MYLK: variants seen among roughly 807,000 people sequenced by gnomAD.
MYLK encodes myosin light chain kinase, also known as myosin light chain kinase, smooth muscle.
Under a neutral mutation model 203.4 loss-of-function variants are expected in MYLK, and 106 were observed. The observed-to-expected ratio is 0.52, with a 90% CI of 0.45 to 0.61. The LOEUF is 0.61. MYLK is among the 20% of genes least tolerant of loss of function. The probability of loss-of-function intolerance (pLI) is 0.00; values close to 1 mark genes in which losing one functional copy is unlikely to be tolerated. For missense variants in MYLK, 2,072 were observed against 2,442.3 expected, an observed-to-expected ratio of 0.85 and a Z score of 3.20; for synonymous variants, 867 against 959.5, an observed-to-expected ratio of 0.90 and a Z score of 1.78.
Position 123,629,290 on chromosome 3 carries a change from C to T in MYLK, c.5114+184G>A, listed in dbSNP as rs926656514. Among the ~76,000 whole-genome samples, 4 of 152,096 alleles carry T rather than the reference C, an allele frequency of 2.6e-5. No homozygotes were observed. Among genetic ancestry groups the T allele is most frequent in the Non-Finnish European group, 5.9e-5 (4 of 68,002 alleles). On this transcript the variant is annotated intron_variant, in intron 30 of 33. Transcript: ENST00000360304. The surrounding 1 kb of genome is among the most constrained non-coding windows in gnomAD (Gnocchi z 4.4). ...CTCCAGGGGGCAGGGCCTAGGAAGT[C>T]GCCTCCCCAACCCACATGCATTCGG...
chr3:123,657,692 C>T (rs1200331922), intron 23 of MYLK, among the ~76,000 whole-genome samples: 2 of 152,198 alleles, frequency 1.3e-5, no homozygotes, highest in Non-Finnish European at 2.9e-5. Context: ...ATGCAAGTCA[C>T]GATTTCCTGT....
intron 4 of MYLK, among the ~76,000 whole-genome samples, chr3:123,774,228 A>C (rs1400310153): frequency 6.6e-6 from 1 of 152,202 alleles, no homozygotes; most frequent in East Asian, 1.9e-4. Context: ...CATAAACTGC[A>C]TACAAAACCT....
At chr3:123,686,557 C>G (rs1189473971) in intron 19 of MYLK, among the ~76,000 whole-genome samples, 8 of 152,136 alleles carry the variant, frequency 5.3e-5, no homozygotes, top group Admixed American at 5.2e-4. Flanking sequence ...GCCTCTCTCT[C>G]TGACTGAGTG....
intron 2 of MYLK, among the ~76,000 whole-genome samples, chr3:123,874,981 A>T (rs1240674749): frequency 6.6e-6 from 1 of 152,204 alleles, no homozygotes; most frequent in Non-Finnish European, 1.5e-5. Context: ...ATCTGACAAT[A>T]CCAAGTACTG....
chr3:123,794,103 T>TG (rs1379306602), intron 3 of MYLK, among the ~76,000 whole-genome samples: 1 of 152,216 alleles, frequency 6.6e-6, no homozygotes, highest in Non-Finnish European at 1.5e-5. Context: ...CAAAACCCTG[T>TG]GGGGAACTTT....
At chr3:123,704,899 G>A (rs764685574) in intron 16 of MYLK, among the ~76,000 whole-genome samples, 3 of 152,120 alleles carry the variant, frequency 2.0e-5, no homozygotes, top group South Asian at 2.1e-4. Flanking sequence ...CAGCCTGGGC[G>A]ACAGAGTGAG....
chr3:123,850,461 T>C (rs1296413303), intron 2 of MYLK, among the ~76,000 whole-genome samples: 1 of 152,244 alleles, frequency 6.6e-6, no homozygotes, highest in African/African-American at 2.4e-5. Flanking sequence ...TGGTATCTCA[T>C]TGCGGTTTTG....
At position 123,883,786 on chromosome 3, in the gene MYLK, G is replaced by A. The variant is rs182066942; in HGVS notation, c.-186+420C>T. On this transcript the variant is annotated intron_variant, in intron 1 of 33. Coordinates refer to ENST00000360304, the MANE Select transcript of MYLK (RefSeq NM_053025.4). Reference sequence around the variant, plus strand: ...GGATGGCCAGGTCTGGCACTCGCGGGCCGCCTTCCCCGCCCTACCTTCCCG... The same window carrying A: ...GGATGGCCAGGTCTGGCACTCGCGGACCGCCTTCCCCGCCCTACCTTCCCG... Among the ~76,000 whole-genome samples the A allele has an allele frequency of 6.4e-3, 974 of 152,222 alleles. 18 individuals are homozygous for A. The highest frequency in any genetic ancestry group is 0.022 in the African/African-American group (920 of 41,544).
At position 123,733,724 on chromosome 3, in the gene MYLK, C is replaced by T; in HGVS notation, c.1272G>A (p.Glu424=). 1 of 1,614,200 alleles carries T rather than the reference C, an allele frequency of 6.2e-7. No individual in the cohort carries two copies. Among genetic ancestry groups the T allele is most frequent in the Non-Finnish European group, 8.5e-7 (1 of 1,180,030 alleles). The change falls in exon 10 of 34, where the codon GAG becomes GAA. Residue 424 remains glutamate, a synonymous_variant. Coordinates refer to ENST00000360304, the MANE Select transcript of MYLK (RefSeq NM_053025.4). ...ACTTGACAGTTTGATTTTCCTTGAC[C>T]TCCTGGCTTTGGGGCTTGCTCTCAA... ...PKFESKPQSQ[E]VKENQTVKFR... is the part of the protein sequence containing the mutation.
intron 29 of MYLK, chr3:123,630,932 T>C (rs201750671): frequency 1.3e-5 from 2 of 151,836 alleles, no homozygotes; most frequent in Non-Finnish European, 2.9e-5. Flanking sequence ...GCCTCATGGG[T>C]GTTAGACCAG....
chr3:123,815,967 C>T (rs924213016), intron 3 of MYLK, among the ~76,000 whole-genome samples: 5 of 152,244 alleles, frequency 3.3e-5, no homozygotes, highest in African/African-American at 1.2e-4. Flanking sequence ...CTGCTCAGCC[C>T]AGCTCAGATT....
chr3:123,835,660 A>G (rs1313976626), intron 2 of MYLK, among the ~76,000 whole-genome samples: 1 of 152,198 alleles, frequency 6.6e-6, no homozygotes, highest in Admixed American at 6.5e-5. Context: ...CTCAGAAGCA[A>G]AAGTTTCTCT....
Position 123,793,689 on chromosome 3 carries a change from C to T in MYLK, c.153G>A (p.Lys51=). 1 of 1,614,192 alleles carries T rather than the reference C, an allele frequency of 6.2e-7. No individual in the cohort carries two copies. Among genetic ancestry groups the T allele is most frequent in the Non-Finnish European group, 8.5e-7 (1 of 1,180,016 alleles). ...NLCIKEGATA[K]FEGRVRGYPE... ...CCACACTTCTTACCCGCCCTTCGAA[C>T]TTGGCGGTGGCTCCTTCTTTGATGC... Residue 51 remains lysine (K), a synonymous_variant, in exon 4 of 34, where the codon AAG becomes AAA. Coordinates refer to ENST00000360304, the MANE Select transcript of MYLK (RefSeq NM_053025.4).
intron 2 of MYLK, among the ~76,000 whole-genome samples, chr3:123,864,876 C>G (rs973622141): frequency 2.6e-5 from 4 of 152,320 alleles, no homozygotes; most frequent in African/African-American, 9.6e-5. Context: ...GAGTGACAGA[C>G]TCCATCTCTA....
At position 123,884,329 on chromosome 3, in the gene MYLK, G is replaced by C. The variant is rs1459970063; in HGVS notation, c.-309C>G. ...TGCTGCCGACCGGGCGGCGCGGGGA[G>C]CCCGCGAGGCGCGTCCGGGACTGGG... On this transcript the variant is annotated 5_prime_UTR_variant, in exon 1 of 34. Transcript: ENST00000360304. 7.0e-6 allele frequency: 1 copy of C among 141,868 alleles called. No individual in the cohort carries two copies. Among genetic ancestry groups the C allele is most frequent in the Non-Finnish European group, 1.5e-5 (1 of 64,716 alleles). The allele number at this position is 141,868 out of a possible 1,614,324, so 8.8% of individuals were successfully genotyped here.
intron 24 of MYLK, among the ~76,000 whole-genome samples, chr3:123,650,421 ATG>A (rs964272899): frequency 6.6e-6 from 1 of 151,278 alleles, no homozygotes; most frequent in Non-Finnish European, 1.5e-5. Context: ...GTGTGTGTGT[ATG>A]TGTGTGTGTG....
intron 3 of MYLK, among the ~76,000 whole-genome samples, chr3:123,813,803 G>A (rs2065646011): frequency 6.6e-6 from 1 of 152,096 alleles, no homozygotes; most frequent in Admixed American, 6.5e-5. Flanking sequence ...GAGCCACCAT[G>A]CCCGGACAAT....
chr3:123,638,025 G>C (rs185419511), intron 29 of MYLK, 46 bp downstream of exon 29: 1 of 1,612,746 alleles, frequency 6.2e-7, no homozygotes, highest in African/African-American at 1.3e-5. Context: ...CCCACCCACT[G>C]GTCCACCAAG....
chr3:123,821,585 C>T (rs193221929), intron 3 of MYLK, among the ~76,000 whole-genome samples: 22 of 152,312 alleles, frequency 1.4e-4, no homozygotes, highest in African/African-American at 5.1e-4. Context: ...CCACCTTCAT[C>T]CCGCACCCAG....
Sources: allele counts gnomAD v4.1 joint callset (sites outside exome capture counted in the v4.1 genomes callset), GRCh38; gene constraint gnomAD v4.1.1; non-coding constraint Gnocchi (gnomAD v3.1); transcripts MANE v1.5; gene names NCBI Gene and HGNC (gene_info 2026-07-23, HGNC 2026-07-21).